CFAP53: variants seen among roughly 807,000 people sequenced by gnomAD.
CFAP53 encodes cilia- and flagella-associated protein 53.
CFAP53 carries 62 observed loss-of-function variants against 59.7 expected under a neutral mutation model. That is an observed-to-expected ratio of 1.04 (90% CI 0.85 to 1.28). CFAP53 has a LOEUF of 1.28. Among genes scored for constraint, CFAP53 ranks in the 50% most tolerant of loss-of-function variants. The pLI is 0.00. For missense variants in CFAP53, 629 were observed against 615.6 expected, an observed-to-expected ratio of 1.02 and a Z score of -0.23; for synonymous variants, 218 against 205.7, an observed-to-expected ratio of 1.06 and a Z score of -0.51.
intron 1 of CFAP53, among the ~76,000 whole-genome samples, 173 bp downstream of exon 1, chr18:50,266,163 G>C (rs907714618): frequency 6.6e-6 from 1 of 152,266 alleles, no homozygotes; most frequent in African/African-American, 2.4e-5. Flanking sequence ...GAGAGGTGGG[G>C]TAGATAGGTG....
At position 50,238,658 on chromosome 18, in the gene CFAP53, G is replaced by T. The variant is rs1412102729; in HGVS notation, c.1261C>A (p.His421Asn). Residue 421 changes from histidine to asparagine, a missense_variant, in exon 7 of 8, where the codon CAC becomes AAC. Physicochemically the swap from His to Asn is moderately conservative, Grantham distance 68. Coordinates refer to ENST00000398545, the MANE Select transcript of CFAP53 (RefSeq NM_145020.5). ...EQEERAMEQKHINESLKELNC... is the reference protein window; with the variant it reads ...EQEERAMEQKNINESLKELNC... ...AGTTCTTTAAGACTTTCATTTATGT[G>T]TTTCTGTTCCATAGCACGTTCTTCC... The T allele has an allele frequency of 1.2e-6, 2 of 1,611,810 alleles. No individual in the cohort carries two copies. Among genetic ancestry groups the T allele is most frequent in the African/African-American group, 2.7e-5 (2 of 74,816 alleles).
At chr18:50,228,791 C>CAAAAACAAACAAACAAACA (rs2033551816) in intron 7 of CFAP53, among the ~76,000 whole-genome samples, 1 of 151,892 alleles carries the variant, frequency 6.6e-6, no homozygotes, top group Non-Finnish European at 1.5e-5. Context: ...AACTCCATCT[C>CAAAAACAAACAAACAAACA]AAAAACAAAC....
At chr18:50,241,482 A>G (rs764272056) in intron 6 of CFAP53, among the ~76,000 whole-genome samples, 3 of 152,178 alleles carry the variant, frequency 2.0e-5, no homozygotes, top group Non-Finnish European at 4.4e-5. Context: ...ACAACGACAT[A>G]AACAAAGGTA....
At chr18:50,265,577 T>A (rs1349744990) in intron 1 of CFAP53, among the ~76,000 whole-genome samples, 2 of 152,160 alleles carry the variant, frequency 1.3e-5, no homozygotes, top group African/African-American at 4.8e-5. Flanking sequence ...CACCCCTGTA[T>A]CTCCCACAAT....
chr18:50,259,564 T>G (rs978246227), intron 3 of CFAP53, among the ~76,000 whole-genome samples: 1 of 151,828 alleles, frequency 6.6e-6, no homozygotes, highest in African/African-American at 2.4e-5. Flanking sequence ...ATGACTATAG[T>G]CAATAATTAC....
At chr18:50,259,985 T>C (rs2033876601) in intron 3 of CFAP53, among the ~76,000 whole-genome samples, 1 of 152,212 alleles carries the variant, frequency 6.6e-6, no homozygotes, top group South Asian at 2.1e-4. Context: ...AGGGAGACTA[T>C]TTAGTATATT....
At chr18:50,242,346 A>G (rs1163366663) in intron 6 of CFAP53, among the ~76,000 whole-genome samples, 1 of 152,240 alleles carries the variant, frequency 6.6e-6, no homozygotes, top group Non-Finnish European at 1.5e-5. Context: ...AAGAAATTAT[A>G]AAAGTATTAA....
At chr18:50,257,382 C>T (rs1050480112) in intron 3 of CFAP53, among the ~76,000 whole-genome samples, 7 of 152,162 alleles carry the variant, frequency 4.6e-5, no homozygotes, top group Non-Finnish European at 8.8e-5. Context: ...CTAGACTCCA[C>T]AAGAAAAGTC....
At chr18:50,256,972 ACACT>A (rs1431048643) in intron 3 of CFAP53, among the ~76,000 whole-genome samples, 3 of 149,052 alleles carry the variant, frequency 2.0e-5, no homozygotes, top group Non-Finnish European at 4.4e-5. Context: ...AACCTAAGTG[ACACT>A]CACTCTCACA....
intron 5 of CFAP53, among the ~76,000 whole-genome samples, chr18:50,249,096 G>A (rs1236684708): frequency 2.0e-5 from 3 of 150,556 alleles, no homozygotes; most frequent in African/African-American, 2.4e-5. Context: ...CCAGCTACTC[G>A]GGAGGCTGAG....
chr18:50,235,039 A>G (rs978589687), intron 7 of CFAP53, among the ~76,000 whole-genome samples: 4 of 152,242 alleles, frequency 2.6e-5, no homozygotes, highest in African/African-American at 9.6e-5. Flanking sequence ...TGTGCTGTGG[A>G]TGTGCTTAAC....
intron 3 of CFAP53, among the ~76,000 whole-genome samples, chr18:50,252,967 G>C (rs1335990359): frequency 6.6e-6 from 1 of 152,140 alleles, no homozygotes; most frequent in Non-Finnish European, 1.5e-5. Flanking sequence ...AGTGAGCTAG[G>C]ACCATACCAA....
chr18:50,244,309 T>C (rs780426752), intron 5 of CFAP53, among the ~76,000 whole-genome samples: 3 of 152,158 alleles, frequency 2.0e-5, no homozygotes, highest in African/African-American at 7.2e-5. Flanking sequence ...GTTCTCATGA[T>C]AGTGAGTTCC....
At chr18:50,243,927 G>T (rs1485472384) in intron 5 of CFAP53, among the ~76,000 whole-genome samples, 1 of 151,698 alleles carries the variant, frequency 6.6e-6, no homozygotes, top group Non-Finnish European at 1.5e-5. Flanking sequence ...ACTCCAGCCT[G>T]GGCGACAGAG....
At chr18:50,237,228 C>A (rs1363724117) in intron 7 of CFAP53, among the ~76,000 whole-genome samples, 1 of 138,172 alleles carries the variant, frequency 7.2e-6, no homozygotes, top group Non-Finnish European at 1.5e-5. Flanking sequence ...TTGCTTGAAC[C>A]CGGGAGTCGG....
intron 2 of CFAP53, 89 bp downstream of exon 2, chr18:50,261,901 C>T: frequency 3.1e-6 from 3 of 959,294 alleles, no homozygotes; most frequent in Admixed American, 1.9e-5. Context: ...CAGCCATGAT[C>T]CTTGCTAAAT....
intron 3 of CFAP53, among the ~76,000 whole-genome samples, chr18:50,257,733 C>T (rs2033858311): frequency 6.6e-6 from 1 of 152,186 alleles, no homozygotes; most frequent in African/African-American, 2.4e-5. Flanking sequence ...ATACCAATAA[C>T]ATTCTTCACA....
At chr18:50,234,346 T>C (rs899573977) in intron 7 of CFAP53, among the ~76,000 whole-genome samples, 2 of 152,230 alleles carry the variant, frequency 1.3e-5, no homozygotes, top group African/African-American at 4.8e-5. Flanking sequence ...CAACTTTCTC[T>C]TGATTTTCCG....
Position 50,241,748 on chromosome 18 carries a change from A to G in CFAP53, c.1213+1152T>C, listed in dbSNP as rs951269150. ...TAGGTCATAAGGATCACATGCTTCA[A>G]AGGGTCATAAAGATCACAAGGAGAA... On this transcript the variant is annotated intron_variant, in intron 6 of 7. Coordinates refer to ENST00000398545, the MANE Select transcript of CFAP53 (RefSeq NM_145020.5). 4.6e-5 allele frequency among the ~76,000 whole-genome samples: 7 copies of G among 152,036 alleles called. No individual in the cohort carries two copies. In the East Asian group the frequency reaches 1.2e-3, roughly 25 times the overall value.
Sources: allele counts gnomAD v4.1 joint callset (sites outside exome capture counted in the v4.1 genomes callset), GRCh38; gene constraint gnomAD v4.1.1; transcripts MANE v1.5; gene names NCBI Gene and HGNC (gene_info 2026-07-23, HGNC 2026-07-21).